The following MYO3B variants were observed in gnomAD, a reference collection of about 807,000 sequenced individuals.
The protein encoded by MYO3B is myosin-IIIb.
MYO3B carries 156 observed loss-of-function variants against 174.6 expected under a neutral mutation model. The ratio of observed to expected loss-of-function variants is 0.89; its 90% CI spans 0.78 to 1.02. The LOEUF (loss-of-function observed/expected upper bound fraction) is 1.02. Among genes scored for constraint, MYO3B ranks in the 50% least tolerant of loss-of-function variants. The pLI is 0.00. For missense variants in MYO3B, 1,632 were observed against 1,639.4 expected, an observed-to-expected ratio of 1.00 and a Z score of 0.08; for synonymous variants, 563 against 569.1, an observed-to-expected ratio of 0.99 and a Z score of 0.15.
At chr2:170,480,565 T>G (rs1048714227) in intron 25 of MYO3B, among the ~76,000 whole-genome samples, 13 of 152,196 alleles carry the variant, frequency 8.5e-5, no homozygotes, top group Admixed American at 3.3e-4. Flanking sequence ...GAGGGTGTCA[T>G]GGGAACCCCA....
At chr2:170,322,010 A>T (rs575886017) in intron 7 of MYO3B, among the ~76,000 whole-genome samples, 55 of 150,376 alleles carry the variant, frequency 3.7e-4, no homozygotes, top group Non-Finnish European at 6.6e-4. Flanking sequence ...GGTACTCAGG[A>T]GGCTGAGGCA....
chr2:170,385,861 C>G (rs2094370274), intron 12 of MYO3B: 1 of 172,818 alleles, frequency 5.8e-6, no homozygotes, highest in South Asian at 1.7e-4. Context: ...ATCCCCATTT[C>G]TAGGAATTTC....
At chr2:170,458,238 TACA>T (rs1457993381) in intron 23 of MYO3B, among the ~76,000 whole-genome samples, 3 of 152,250 alleles carry the variant, frequency 2.0e-5, no homozygotes, top group Non-Finnish European at 1.5e-5. Context: ...ACATTATGTC[TACA>T]ACATTACTAG....
chr2:170,262,354 C>T (rs1471956365), intron 7 of MYO3B, among the ~76,000 whole-genome samples: 1 of 152,106 alleles, frequency 6.6e-6, no homozygotes, highest in Non-Finnish European at 1.5e-5. Flanking sequence ...TCTTGGTAGC[C>T]ATGCAGAGCC....
At chr2:170,435,654 C>T (rs1386013659) in intron 22 of MYO3B, among the ~76,000 whole-genome samples, 3 of 152,160 alleles carry the variant, frequency 2.0e-5, no homozygotes, top group African/African-American at 7.2e-5. Flanking sequence ...TTATTTACTG[C>T]TCCTTATCTT....
intron 8 of MYO3B, among the ~76,000 whole-genome samples, chr2:170,339,958 C>G (rs142633954): frequency 2.9e-4 from 44 of 152,272 alleles, no homozygotes; most frequent in African/African-American, 9.6e-4. Context: ...CTTTCCCCTA[C>G]GACTAAAGCT....
intron 25 of MYO3B, among the ~76,000 whole-genome samples, chr2:170,471,453 T>C (rs964493374): frequency 6.6e-6 from 1 of 152,328 alleles, no homozygotes; most frequent in Non-Finnish European, 1.5e-5. Context: ...TTTGGTATTC[T>C]ACCTAAGAAG....
intron 8 of MYO3B, among the ~76,000 whole-genome samples, chr2:170,363,005 C>G (rs2094172911): frequency 6.6e-6 from 1 of 152,128 alleles, no homozygotes; most frequent in Non-Finnish European, 1.5e-5. Context: ...GGAGGATTTT[C>G]TCCCCTTGAT....
At chr2:170,637,910 C>CTAT (rs1377454671) in intron 32 of MYO3B, among the ~76,000 whole-genome samples, 1 of 152,190 alleles carries the variant, frequency 6.6e-6, no homozygotes, top group Non-Finnish European at 1.5e-5. Context: ...CAGATACTTA[C>CTAT]TATTTTCTTG....
At chr2:170,346,821 A>G (rs148089897) in intron 8 of MYO3B, among the ~76,000 whole-genome samples, 3 of 152,212 alleles carry the variant, frequency 2.0e-5, no homozygotes, top group African/African-American at 7.2e-5. Context: ...GCATCCCAGC[A>G]CTGATCAACT....
chr2:170,501,895 A>C lies in MYO3B; in HGVS notation c.3370+30A>C, dbSNP rs1457239326. 7.1e-6 allele frequency: 10 copies of C among 1,417,374 alleles called. No homozygotes were observed. In the South Asian group the frequency reaches 9.4e-5, roughly 13 times the overall value. The allele number at this position is 1,417,374 out of a possible 1,614,324, so 87.8% of individuals were successfully genotyped here. On this transcript the variant is annotated intron_variant, in intron 28 of 34. Transcript: ENST00000408978. ...TTAAAACATCATTTTCACAGTGTCC[A>C]CTTGAAAATATTCTGTGACTAACTT... is the stretch of plus-strand genomic sequence containing the variant.
intron 7 of MYO3B, among the ~76,000 whole-genome samples, chr2:170,322,020 A>T (rs369659242): frequency 6.6e-6 from 1 of 150,866 alleles, no homozygotes; most frequent in Non-Finnish European, 1.5e-5. Context: ...AGGCTGAGGC[A>T]GGAGAATTGC....
intron 32 of MYO3B, among the ~76,000 whole-genome samples, chr2:170,568,203 A>G (rs1692199008): frequency 1.3e-5 from 2 of 152,362 alleles, no homozygotes; most frequent in Middle Eastern, 3.4e-3. Context: ...CTGAATTCCA[A>G]TAAGAAGGGG....
chr2:170,482,047 G>A (rs565901881), intron 25 of MYO3B, among the ~76,000 whole-genome samples: 1 of 152,292 alleles, frequency 6.6e-6, no homozygotes, highest in South Asian at 2.1e-4. Context: ...TGCAATGGGA[G>A]GTAATTGAAT....
intron 32 of MYO3B, among the ~76,000 whole-genome samples, chr2:170,610,178 T>C (rs1400434110): frequency 6.6e-6 from 1 of 151,980 alleles, no homozygotes; most frequent in Non-Finnish European, 1.5e-5. Flanking sequence ...CTACTAAAAA[T>C]ACAAAAACAA....
chr2:170,291,414 G>A (rs541302308), intron 7 of MYO3B, among the ~76,000 whole-genome samples: 1 of 152,246 alleles, frequency 6.6e-6, no homozygotes, highest in East Asian at 1.9e-4. Flanking sequence ...GTTTTTGATA[G>A]ATTTGTCTTT....
Position 170,216,905 on chromosome 2 carries a change from A to G in MYO3B, c.527-414A>G, listed in dbSNP as rs115008311. ...TCCATTAGGGAAAAAAAAAAATCCTAATGATTTAAATAGAGTGATAAATGC... is the reference window on the plus strand; with the variant it reads ...TCCATTAGGGAAAAAAAAAAATCCTGATGATTTAAATAGAGTGATAAATGC... On this transcript the variant is annotated intron_variant, in intron 5 of 34. Transcript: ENST00000408978. Among the ~76,000 whole-genome samples, 468 of 152,260 alleles carry G rather than the reference A, an allele frequency of 3.1e-3. 1 individual carries two copies. Among genetic ancestry groups the G allele is most frequent in the African/African-American group, 0.011 (449 of 41,560 alleles).
At chr2:170,481,220 G>A (rs116352768) in intron 25 of MYO3B, among the ~76,000 whole-genome samples, 2,493 of 152,312 alleles carry the variant, frequency 0.016, 33 homozygotes, top group Non-Finnish European at 0.025. Flanking sequence ...CTACATAGAT[G>A]AGAGTCTGAT....
At chr2:170,246,289 T>A (rs914320679) in intron 7 of MYO3B, among the ~76,000 whole-genome samples, 1 of 152,162 alleles carries the variant, frequency 6.6e-6, no homozygotes, top group African/African-American at 2.4e-5. Context: ...TTGCACATTA[T>A]GAAGAATGTA....
Sources: allele counts gnomAD v4.1 joint callset (sites outside exome capture counted in the v4.1 genomes callset), GRCh38; gene constraint gnomAD v4.1.1; transcripts MANE v1.5; gene names NCBI Gene and HGNC (gene_info 2026-07-23, HGNC 2026-07-21).